Variants in XPR1 observed in about 807,000 individuals in gnomAD.
XPR1 encodes xenotropic and polytropic retrovirus receptor 1.
In XPR1, 28 loss-of-function variants were observed where a neutral mutation model predicts 87.5. That is an observed-to-expected ratio of 0.32 (90% confidence interval 0.24 to 0.44). XPR1 has a LOEUF of 0.44. Among genes scored for constraint, XPR1 ranks in the 20% least tolerant of loss-of-function variants. XPR1 has a pLI of 1.00. For missense variants in XPR1, 559 were observed against 862.3 expected, an observed-to-expected ratio of 0.65 and a Z score of 4.41; for synonymous variants, 300 against 306.1, an observed-to-expected ratio of 0.98 and a Z score of 0.21.
At chr1:180,849,495 A>T (rs1004307385) in intron 11 of XPR1, among the ~76,000 whole-genome samples, 3 of 152,230 alleles carry the variant, frequency 2.0e-5, no homozygotes, top group Non-Finnish European at 4.4e-5. Context: ...AGGGCGATCC[A>T]AAATTTGCAT....
chr1:180,840,275 T>C (rs373040984), intron 11 of XPR1, among the ~76,000 whole-genome samples: 1 of 149,560 alleles, frequency 6.7e-6, no homozygotes, highest in Non-Finnish European at 1.5e-5. Context: ...CTCTTCCTAG[T>C]ATGGGAGTGA....
chr1:180,679,856 C>CA (rs1192842365), intron 1 of XPR1, among the ~76,000 whole-genome samples: 1 of 151,834 alleles, frequency 6.6e-6, no homozygotes, highest in African/African-American at 2.4e-5. Flanking sequence ...AGTAAGAACT[C>CA]AAAATCACAG....
intron 2 of XPR1, among the ~76,000 whole-genome samples, chr1:180,710,637 CT>C (rs1351706777): frequency 1.3e-5 from 2 of 152,240 alleles, no homozygotes; most frequent in Non-Finnish European, 2.9e-5. Flanking sequence ...ATTTCTCTAT[CT>C]TTTCCCCACA....
rs553496212 is a variant in XPR1, at chr1:180,647,254, C to T, written c.69+14984C>T. ...AAATATGGATGAAACTTCGCTTGCT[C>T]GCTTGCCCACTGCTCACCTCCTGCT... On this transcript the variant is annotated intron_variant, in intron 1 of 14. Coordinates refer to ENST00000367590, the MANE Select transcript of XPR1 (RefSeq NM_004736.4). 3.9e-5 allele frequency among the ~76,000 whole-genome samples: 6 copies of T among 152,336 alleles called. No homozygotes were observed. The South Asian group carries it at 8.3e-4, about 21-fold the overall frequency.
At chr1:180,726,876 TTC>T in intron 2 of XPR1, among the ~76,000 whole-genome samples, 1 of 150,878 alleles carries the variant, frequency 6.6e-6, no homozygotes, top group Non-Finnish European at 1.5e-5. Flanking sequence ...TATGTTTTCT[TTC>T]TTTTTTTTTT....
At chr1:180,665,279 G>A (rs893999703) in intron 1 of XPR1, among the ~76,000 whole-genome samples, 9 of 152,146 alleles carry the variant, frequency 5.9e-5, no homozygotes, top group East Asian at 3.9e-4. Flanking sequence ...GAAAACCGCC[G>A]CCGTGATCCA....
intron 1 of XPR1, among the ~76,000 whole-genome samples, chr1:180,656,340 TTATATATTTAATATTTA>T (rs1655466771): frequency 9.2e-6 from 1 of 109,050 alleles, no homozygotes; most frequent in Non-Finnish European, 1.7e-5. Flanking sequence ...TATATAATAT[TTATATATTTAATATTTA>T]TATATATAAT....
intron 2 of XPR1, among the ~76,000 whole-genome samples, chr1:180,750,339 AG>A (rs1647486058): frequency 6.6e-6 from 1 of 152,194 alleles, no homozygotes; most frequent in Non-Finnish European, 1.5e-5. Context: ...TGATCATTGA[AG>A]AAATGGAACA....
chr1:180,806,392 T>C (rs573542100), intron 5 of XPR1, 82 bp from the exon 6 acceptor site: 1 of 1,506,922 alleles, frequency 6.6e-7, no homozygotes, highest in African/African-American at 1.4e-5. Flanking sequence ...CAGAATATAA[T>C]ATATATAAAT....
chr1:180,857,914 T>C (rs994183974), intron 11 of XPR1, among the ~76,000 whole-genome samples: 2 of 152,176 alleles, frequency 1.3e-5, no homozygotes, highest in African/African-American at 4.8e-5. Context: ...TGTACTATTT[T>C]TATTATAAAA....
intron 3 of XPR1, among the ~76,000 whole-genome samples, chr1:180,802,639 T>C (rs1195720255): frequency 6.6e-6 from 1 of 152,238 alleles, no homozygotes; most frequent in African/African-American, 2.4e-5. Flanking sequence ...AACATTTTCA[T>C]CATCCTAAAG....
At position 180,806,423 on chromosome 1, in the gene XPR1, T is replaced by TA. The variant is rs767019093; in HGVS notation, c.598-51_598-50insA. The TA allele has an allele frequency of 5.7e-6, 9 of 1,578,548 alleles. No homozygotes were observed. The African/African-American group carries it at 1.2e-4, about 21-fold the overall frequency. ...TAAATGGTACAGAATTATTTGTGCA[T>TA]CACTCAAGTTTAGTATAACCTAACC... On this transcript the variant is annotated intron_variant, in intron 5 of 14. Transcript: ENST00000367590.
intron 2 of XPR1, among the ~76,000 whole-genome samples, chr1:180,780,661 G>A (rs1323945171): frequency 6.7e-6 from 1 of 149,250 alleles, no homozygotes; most frequent in Admixed American, 6.7e-5. Flanking sequence ...CCAACTACTG[G>A]GGAGGCTGAG....
At position 180,746,644 on chromosome 1, in the gene XPR1, C is replaced by T. The variant is rs143380069; in HGVS notation, c.122-41109C>T. Among the ~76,000 whole-genome samples the T allele has an allele frequency of 2.9e-3, 437 of 152,050 alleles. 2 individuals are homozygous for T. The highest frequency in any genetic ancestry group is 9.5e-3 in the African/African-American group (396 of 41,466). On this transcript the variant is annotated intron_variant, in intron 2 of 14. Transcript: ENST00000367590. Reference sequence around the variant, plus strand: ...ATACATAGTAGTGGGATTACTGGATCGAATGGTAGATCTACTTTTCGTTCT... The same window carrying T: ...ATACATAGTAGTGGGATTACTGGATTGAATGGTAGATCTACTTTTCGTTCT...
chr1:180,774,384 CTTTTTTTTTTTTT>C (rs71121051), intron 2 of XPR1, among the ~76,000 whole-genome samples: 8 of 68,892 alleles, frequency 1.2e-4, no homozygotes, highest in African/African-American at 4.7e-4. Context: ...TCTTTCCTAT[CTTTTTTTTTTTTT>C]TTTTTTTTTT....
At chr1:180,724,705 G>A (rs1033115825) in intron 2 of XPR1, among the ~76,000 whole-genome samples, 5 of 152,062 alleles carry the variant, frequency 3.3e-5, no homozygotes, top group African/African-American at 7.3e-5. Flanking sequence ...CCAGATAAAC[G>A]TTATTTAGCT....
At chr1:180,680,934 G>A (rs941745482) in intron 1 of XPR1, among the ~76,000 whole-genome samples, 2 of 152,144 alleles carry the variant, frequency 1.3e-5, no homozygotes, top group Non-Finnish European at 2.9e-5. Context: ...GAAGACATTA[G>A]GTTAAGTGAA....
At chr1:180,773,212 T>C (rs1648587270) in intron 2 of XPR1, among the ~76,000 whole-genome samples, 1 of 152,028 alleles carries the variant, frequency 6.6e-6, no homozygotes, top group Admixed American at 6.6e-5. Flanking sequence ...AATGTTGGGA[T>C]TTGGGAAAAG....
At chr1:180,860,860 AC>A (rs1652196743) in intron 11 of XPR1, among the ~76,000 whole-genome samples, 1 of 152,050 alleles carries the variant, frequency 6.6e-6, no homozygotes, top group Non-Finnish European at 1.5e-5. Flanking sequence ...GATCCATTGT[AC>A]CACTGTAAGA....
Sources: allele counts gnomAD v4.1 joint callset (sites outside exome capture counted in the v4.1 genomes callset), GRCh38; gene constraint gnomAD v4.1.1; transcripts MANE v1.5; gene names NCBI Gene and HGNC (gene_info 2026-07-23, HGNC 2026-07-21).